SLC12A2: variants seen among roughly 807,000 people sequenced by gnomAD.
SLC12A2 encodes solute carrier family 12 member 2, also known as Na-K-2Cl cotransporter 1.
Under a neutral mutation model 136.3 loss-of-function variants are expected in SLC12A2, and 67 were observed. The ratio of observed to expected loss-of-function variants is 0.49; its 90% CI spans 0.40 to 0.60. The LOEUF (loss-of-function observed/expected upper bound fraction) is 0.60, where lower values mean the gene tolerates loss of function less well. SLC12A2 is among the 20% of genes least tolerant of loss of function. SLC12A2 has a pLI of 0.00. For synonymous variants in SLC12A2, 619 were observed against 562.9 expected (o/e 1.10, Z -1.41); for missense variants, 1,322 against 1,534.7 (o/e 0.86, Z 2.32).
intron 23 of SLC12A2, 51 bp downstream of exon 23, chr5:128,181,045 A>G (rs367866435): frequency 1.9e-6 from 2 of 1,055,788 alleles, no homozygotes; most frequent in African/African-American, 3.2e-5. Flanking sequence ...CTTCATTGCT[A>G]CAGTATAAAT....
At chr5:128,106,585 C>G (rs2126660813) in intron 1 of SLC12A2, among the ~76,000 whole-genome samples, 1 of 152,206 alleles carries the variant, frequency 6.6e-6, no homozygotes, top group African/African-American at 2.4e-5. Flanking sequence ...GTAGAGATAA[C>G]TAAAACAGTT....
At chr5:128,140,583 T>G (rs928952783) in intron 9 of SLC12A2, among the ~76,000 whole-genome samples, 1 of 152,246 alleles carries the variant, frequency 6.6e-6, no homozygotes, top group Non-Finnish European at 1.5e-5. Flanking sequence ...CATTTCATTC[T>G]GTCTGCATTA....
At chr5:128,090,641 G>A (rs1261689600) in intron 1 of SLC12A2, among the ~76,000 whole-genome samples, 1 of 152,310 alleles carries the variant, frequency 6.6e-6, no homozygotes, top group South Asian at 2.1e-4. Flanking sequence ...ATTAAAGGTG[G>A]CTAGATGATG....
intron 10 of SLC12A2, among the ~76,000 whole-genome samples, chr5:128,145,285 T>C (rs1206178688): frequency 6.6e-6 from 1 of 152,128 alleles, no homozygotes; most frequent in African/African-American, 2.4e-5. Flanking sequence ...GAATGTATCA[T>C]ATACTCTGTT....
intron 2 of SLC12A2, 57 bp from the exon 3 acceptor site, chr5:128,114,155 A>G (rs1761258671): frequency 1.0e-5 from 13 of 1,242,430 alleles, no homozygotes; most frequent in Middle Eastern, 3.8e-4. Flanking sequence ...AATGCTTACT[A>G]TATAATGTTT....
chr5:128,084,696 G>A lies in SLC12A2; in HGVS notation c.742G>A (p.Asp248Asn). ...CCGGCCTAGCCTGGCGGAGCTCCAC[G>A]ACGAGCTGGAAAAGGTGAGCTCGCC... Reference protein sequence around the residue: ...LLRPSLAELHDELEKEPFEDG... With the variant: ...LLRPSLAELHNELEKEPFEDG... The change falls in exon 1 of 27, where the codon GAC becomes AAC. Residue 248 changes from aspartate to asparagine, a missense_variant. By Grantham distance (23) the Asp-to-Asn change is conservative. Coordinates refer to ENST00000262461, the MANE Select transcript of SLC12A2 (RefSeq NM_001046.3). The surrounding 1 kb of genome is among the most constrained non-coding windows in gnomAD (Gnocchi z 5.6). The A allele has an allele frequency of 6.3e-7, 1 of 1,599,448 alleles. No individual in the cohort carries two copies. Among genetic ancestry groups the A allele is most frequent in the South Asian group, 1.1e-5 (1 of 89,376 alleles).
intron 17 of SLC12A2, among the ~76,000 whole-genome samples, chr5:128,162,275 T>A (rs1009578581): frequency 6.6e-6 from 1 of 152,062 alleles, no homozygotes; most frequent in Non-Finnish European, 1.5e-5. Context: ...AATATAGCGA[T>A]AGACAGTTAG....
chr5:128,126,966 A>ATATATATATATTTT, intron 4 of SLC12A2, among the ~76,000 whole-genome samples: 2 of 21,156 alleles, frequency 9.5e-5, no homozygotes, highest in African/African-American at 2.5e-4. Flanking sequence ...ATATATATAT[A>ATATATATATATTTT]TTTTTTTTTT....
intron 1 of SLC12A2, among the ~76,000 whole-genome samples, chr5:128,090,974 A>G (rs557512560): frequency 6.6e-6 from 1 of 152,338 alleles, no homozygotes; most frequent in African/African-American, 2.4e-5. Flanking sequence ...CACAGATTTG[A>G]CATGATCTGA....
At chr5:128,177,285 G>GATTAGAAAA in intron 21 of SLC12A2, 133 bp downstream of exon 21, 1 of 558,812 alleles carries the variant, frequency 1.8e-6, no homozygotes, top group Non-Finnish European at 3.1e-6. Flanking sequence ...TATAAATGCA[G>GATTAGAAAA]ATTAGAAAAA....
intron 4 of SLC12A2, among the ~76,000 whole-genome samples, chr5:128,125,678 C>CT (rs891680133): frequency 5.3e-5 from 8 of 150,882 alleles, no homozygotes; most frequent in African/African-American, 1.5e-4. Context: ...TCCGGTTTCT[C>CT]TTTTTTTTTA....
Position 128,158,039 on chromosome 5 carries a change from T to C in SLC12A2, c.2364-14T>C. 6.3e-7 allele frequency: 1 copy of C among 1,590,404 alleles called. No homozygotes were observed. Among genetic ancestry groups the C allele is most frequent in the Non-Finnish European group, 8.5e-7 (1 of 1,169,828 alleles). On this transcript the variant is annotated splice_polypyrimidine_tract_variant and intron_variant, in intron 15 of 26. Coordinates refer to ENST00000262461, the MANE Select transcript of SLC12A2 (RefSeq NM_001046.3). ...AATTTATCTAATTTTGTTTGTCTTTTCATCTTAAATTAGGCCACAGTGTCT... is the reference window on the plus strand; with the variant it reads ...AATTTATCTAATTTTGTTTGTCTTTCCATCTTAAATTAGGCCACAGTGTCT...
chr5:128,096,915 TAGC>T (rs1760560910), intron 1 of SLC12A2, among the ~76,000 whole-genome samples: 1 of 151,894 alleles, frequency 6.6e-6, no homozygotes, highest in Non-Finnish European at 1.5e-5. Flanking sequence ...TCTCAGAAAA[TAGC>T]AGTCTGTAAT....
chr5:128,128,629 C>G (rs889369464), intron 4 of SLC12A2, among the ~76,000 whole-genome samples: 2 of 151,900 alleles, frequency 1.3e-5, no homozygotes, highest in Non-Finnish European at 2.9e-5. Context: ...GCTTACATGA[C>G]CTTAGCCAAA....
chr5:128,172,990 A>C (rs1314783910), intron 19 of SLC12A2, among the ~76,000 whole-genome samples: 1 of 151,986 alleles, frequency 6.6e-6, no homozygotes, highest in Non-Finnish European at 1.5e-5. Flanking sequence ...AAAAAAAACA[A>C]CTGTGAAGAT....
intron 16 of SLC12A2, among the ~76,000 whole-genome samples, chr5:128,159,874 A>C (rs1180091479): frequency 6.6e-6 from 1 of 152,216 alleles, no homozygotes; most frequent in African/African-American, 2.4e-5. Flanking sequence ...TTGAGCCAGC[A>C]ATCCCATTAC....
At chr5:128,186,122 G>C (rs866564667) in intron 26 of SLC12A2, among the ~76,000 whole-genome samples, 1 of 151,950 alleles carries the variant, frequency 6.6e-6, no homozygotes, top group African/African-American at 2.4e-5. Flanking sequence ...GCTTACCATC[G>C]TGTTACAGTT....
chr5:128,084,308 G>T lies in SLC12A2; in HGVS notation c.354G>T (p.Ala118=). 6.6e-7 allele frequency: 1 copy of T among 1,523,626 alleles called. No homozygotes were observed. Among genetic ancestry groups the T allele is most frequent in the African/African-American group, 1.4e-5 (1 of 73,104 alleles). 94.4% of individuals were successfully genotyped at this position (1,523,626 alleles called of 1,614,324 possible). The part of the protein sequence containing the change: ...GAGAGAKQTP[A]DGEASGESEP... ...GGGCGGGGGCCAAGCAGACCCCCGC[G>T]GACGGGGAAGCCAGCGGCGAGAGCG... The change falls in exon 1 of 27, where the codon GCG becomes GCT. Residue 118 remains alanine, a synonymous_variant. Transcript: ENST00000262461. This position sits in a 1 kb window ranked among gnomAD's most constrained non-coding sequence, Gnocchi z 5.6.
chr5:128,101,862 G>C (rs1203501098), intron 1 of SLC12A2, among the ~76,000 whole-genome samples: 1 of 152,146 alleles, frequency 6.6e-6, no homozygotes, highest in Non-Finnish European at 1.5e-5. Flanking sequence ...TGTTGGCTTG[G>C]CAGATGGTGT....
Sources: allele counts gnomAD v4.1 joint callset (sites outside exome capture counted in the v4.1 genomes callset), GRCh38; gene constraint gnomAD v4.1.1; non-coding constraint Gnocchi (gnomAD v3.1); transcripts MANE v1.5; gene names NCBI Gene and HGNC (gene_info 2026-07-23, HGNC 2026-07-21).